The following ARHGAP42 variants were observed in gnomAD, a reference collection of about 807,000 sequenced individuals.
ARHGAP42 encodes rho GTPase-activating protein 42.
A neutral mutation model predicts 125.0 loss-of-function variants in ARHGAP42; 63 were observed. The ratio of observed to expected loss-of-function variants is 0.50; its 90% CI spans 0.41 to 0.62. The LOEUF (loss-of-function observed/expected upper bound fraction) is 0.62. Ranked by LOEUF, ARHGAP42 falls within the 20% of genes least tolerant of loss-of-function variation. The probability of loss-of-function intolerance (pLI) is 0.00; values close to 1 mark genes in which losing one functional copy is unlikely to be tolerated. For synonymous variants in ARHGAP42, 339 were observed against 351.0 expected (o/e 0.97, Z 0.38); for missense variants, 766 against 1,024.2 (o/e 0.75, Z 3.44).
At chr11:100,721,450 A>G (rs976284068) in intron 1 of ARHGAP42, among the ~76,000 whole-genome samples, 3 of 151,502 alleles carry the variant, frequency 2.0e-5, no homozygotes, top group Non-Finnish European at 4.4e-5. Flanking sequence ...TGCATATTCC[A>G]TGACTTGATA....
chr11:100,868,624 T>C (rs1865631087), intron 4 of ARHGAP42, among the ~76,000 whole-genome samples: 1 of 150,554 alleles, frequency 6.6e-6, no homozygotes, highest in Admixed American at 6.6e-5. Flanking sequence ...ACAGAAGATA[T>C]TCCTCTTCTT....
At chr11:100,794,394 A>G (rs1320628950) in intron 2 of ARHGAP42, among the ~76,000 whole-genome samples, 1 of 152,202 alleles carries the variant, frequency 6.6e-6, no homozygotes, top group Non-Finnish European at 1.5e-5. Flanking sequence ...AAAGTAAAGC[A>G]ATATAGGTAC....
Position 100,941,675 on chromosome 11 carries a change from T to C in ARHGAP42, c.833-109T>C, listed in dbSNP as rs1264164234. Reference sequence around the variant, plus strand: ...GCACAGTAAATGTTACAAACTAGCATGGTATAGGAGAGATAATCGGTTGTA... The same window carrying C: ...GCACAGTAAATGTTACAAACTAGCACGGTATAGGAGAGATAATCGGTTGTA... On this transcript the variant is annotated intron_variant, in intron 8 of 23. Transcript: ENST00000298815. The C allele has an allele frequency of 1.0e-5, 6 of 585,146 alleles. No individual in the cohort carries two copies. The South Asian group carries it at 1.6e-4, about 16-fold the overall frequency. 36.2% of individuals were successfully genotyped at this position (585,146 alleles called of 1,614,324 possible).
intron 4 of ARHGAP42, among the ~76,000 whole-genome samples, chr11:100,892,781 C>G (rs1866252630): frequency 6.6e-6 from 1 of 152,158 alleles, no homozygotes; most frequent in Non-Finnish European, 1.5e-5. Context: ...CATGACTGAG[C>G]TCTCAGGAAG....
intron 3 of ARHGAP42, among the ~76,000 whole-genome samples, chr11:100,845,128 A>G (rs1031670951): frequency 5.4e-5 from 8 of 147,074 alleles, no homozygotes; most frequent in South Asian, 2.1e-4. Flanking sequence ...ATATGTATAT[A>G]TATGTATACA....
chr11:100,964,150 C>T (rs1858028080), intron 16 of ARHGAP42, among the ~76,000 whole-genome samples: 1 of 152,088 alleles, frequency 6.6e-6, no homozygotes, highest in African/African-American at 2.4e-5. Flanking sequence ...AAAAGTCCAG[C>T]TCAGTATAAA....
At chr11:100,754,792 T>C (rs1591154115) in intron 1 of ARHGAP42, among the ~76,000 whole-genome samples, 1 of 152,238 alleles carries the variant, frequency 6.6e-6, no homozygotes, top group African/African-American at 2.4e-5. Flanking sequence ...AGCTTTATTC[T>C]GTTAATGACG....
chr11:100,885,691 CAAAA>C (rs1866075527), intron 4 of ARHGAP42, among the ~76,000 whole-genome samples: 1 of 152,034 alleles, frequency 6.6e-6, no homozygotes. Context: ...TTGTAAGAAA[CAAAA>C]GAAATGGATC....
chr11:100,687,970 C>A (rs1238463029), intron 1 of ARHGAP42, 138 bp downstream of exon 1: 2 of 977,932 alleles, frequency 2.0e-6, no homozygotes, highest in Non-Finnish European at 2.9e-6. Flanking sequence ...AGCTCCCCTG[C>A]TGGTGGCCAA....
chr11:100,878,037 C>T lies in ARHGAP42; in HGVS notation c.384+18412C>T, dbSNP rs138876729. ...AAAAAAAAAAAAAAAAGAGGTGTTA[C>T]CTATCCTCAAGTGTTGTGAGATTTA... On this transcript the variant is annotated intron_variant, in intron 4 of 23. Coordinates refer to ENST00000298815, the MANE Select transcript of ARHGAP42 (RefSeq NM_152432.4). 4.8e-4 allele frequency among the ~76,000 whole-genome samples: 72 copies of T among 149,350 alleles called. 2 individuals carry two copies. The East Asian group carries it at 0.013, about 27-fold the overall frequency.
intron 3 of ARHGAP42, among the ~76,000 whole-genome samples, chr11:100,800,478 T>G (rs1425521477): frequency 6.6e-6 from 1 of 152,114 alleles, no homozygotes; most frequent in African/African-American, 2.4e-5. Flanking sequence ...CTCAGAGATT[T>G]GGATGTTTTA....
At position 100,991,802 on chromosome 11, in the gene ARHGAP42, C is replaced by G. The variant is rs1279751287; in HGVS notation, c.*3001C>G. 6.5e-6 allele frequency: 1 copy of G among 153,086 alleles called. No homozygotes were observed. The highest frequency in any genetic ancestry group is 2.4e-5 in the African/African-American group (1 of 41,432). The allele number at this position is 153,086 out of a possible 1,614,324, so 9.5% of individuals were successfully genotyped here. ...TGGGTTCCCTGTGCTTTGTAACTTG[C>G]ATGAACACAACCAGGTTTCTCAACA... On this transcript the variant is annotated 3_prime_UTR_variant, in exon 24 of 24. Transcript: ENST00000298815.
chr11:100,737,528 T>C (rs1400969838), intron 1 of ARHGAP42, among the ~76,000 whole-genome samples: 1 of 152,130 alleles, frequency 6.6e-6, no homozygotes, highest in South Asian at 2.1e-4. Context: ...TTCATGTGTT[T>C]CCATTTCTTT....
intron 16 of ARHGAP42, among the ~76,000 whole-genome samples, chr11:100,964,934 T>C (rs530309036): frequency 6.6e-6 from 1 of 152,134 alleles, no homozygotes; most frequent in Non-Finnish European, 1.5e-5. Flanking sequence ...CACACTGCTA[T>C]GAAGAAATAT....
At chr11:100,800,409 T>C (rs951564003) in intron 3 of ARHGAP42, among the ~76,000 whole-genome samples, 2 of 151,970 alleles carry the variant, frequency 1.3e-5, no homozygotes, top group Non-Finnish European at 2.9e-5. Flanking sequence ...GTCTGGATAG[T>C]GATGAGATTA....
intron 5 of ARHGAP42, among the ~76,000 whole-genome samples, chr11:100,914,172 C>T (rs1184349399): frequency 6.6e-6 from 1 of 152,054 alleles, no homozygotes; most frequent in Non-Finnish European, 1.5e-5. Flanking sequence ...TCACCTTAAG[C>T]GATCTGCCTG....
At chr11:100,732,101 G>A (rs1333779972) in intron 1 of ARHGAP42, among the ~76,000 whole-genome samples, 1 of 152,006 alleles carries the variant, frequency 6.6e-6, no homozygotes, top group African/African-American at 2.4e-5. Flanking sequence ...TGGGATTACA[G>A]GCATACACCA....
At chr11:100,837,506 A>G (rs2135104828) in intron 3 of ARHGAP42, among the ~76,000 whole-genome samples, 1 of 152,140 alleles carries the variant, frequency 6.6e-6, no homozygotes, top group South Asian at 2.1e-4. Context: ...CAAATACACA[A>G]GGAATGAGTG....
rs1000162137 is a variant in ARHGAP42 at position 100,979,048 on chromosome 11, C to A, written c.2455C>A (p.Arg819Ser). The A allele has an allele frequency of 1.4e-5, 22 of 1,551,274 alleles. No homozygotes were observed. In the Admixed American group the frequency reaches 3.5e-4, roughly 25 times the overall value. The change falls in exon 22 of 24, where the codon CGC becomes AGC. Residue 819 changes from arginine to serine, a missense_variant and splice_region_variant. By Grantham distance (110) the Arg-to-Ser change is moderately radical (BLOSUM62 -1). Coordinates refer to ENST00000298815, the MANE Select transcript of ARHGAP42 (RefSeq NM_152432.4). ...VGSPKPVSSG[R>S]QAKAMYSCKA... is the part of the protein sequence containing the mutation. ...TTCACCTAAACCAGTTTCTTCTGGG[C>A]GGTAAGTTCTCCAAACCCTTAAATG...
Sources: gnomAD v4.1 joint callset for allele counts (sites outside exome capture counted in the v4.1 genomes callset) on GRCh38, gnomAD v4.1.1 for gene constraint, MANE v1.5 for transcripts, NCBI Gene and HGNC (gene_info 2026-07-23, HGNC 2026-07-21) for gene names.